CNR2: variants seen among roughly 807,000 people sequenced by gnomAD.
CNR2 encodes the protein cannabinoid receptor 2 (macrophage).
For missense variants in CNR2, 379 were observed against 439.9 expected, an observed-to-expected ratio of 0.86 and a Z score of 1.24; for synonymous variants, 172 against 182.2, an observed-to-expected ratio of 0.94 and a Z score of 0.45.
intron 1 of CNR2, among the ~76,000 whole-genome samples, chr1:23,910,315 G>C (rs922328520): frequency 6.6e-6 from 1 of 151,654 alleles, no homozygotes; most frequent in African/African-American, 2.4e-5. Context: ...TGCAAATGTG[G>C]TTAGTGATAG....
At chr1:23,913,122 C>A in intron 1 of CNR2, 124 bp downstream of exon 1, 1 of 161,366 alleles carries the variant, frequency 6.2e-6, no homozygotes, top group Non-Finnish European at 1.3e-5. Context: ...GATTGTGCCA[C>A]TGTACTTTAG....
At chr1:23,878,489 C>T (rs1261650621) in intron 1 of CNR2, among the ~76,000 whole-genome samples, 3 of 151,992 alleles carry the variant, frequency 2.0e-5, no homozygotes, top group South Asian at 2.1e-4. Flanking sequence ...AGTGATTCTC[C>T]AGCTTCAGCC....
chr1:23,874,485 G>A lies in CNR2; in HGVS notation c.*50C>T, dbSNP rs758916991. ...GCCAAGACCCCTCTCTCTCTTCCAG[G>A]GAGTGAACTGATTTCTGACTTGAGT... On this transcript the variant is annotated 3_prime_UTR_variant, in exon 2 of 2. Coordinates refer to ENST00000374472, the MANE Select transcript of CNR2 (RefSeq NM_001841.3). 6.4e-7 allele frequency: 1 copy of A among 1,563,974 alleles called. No homozygotes were observed. The highest frequency in any genetic ancestry group is 8.7e-7 in the Non-Finnish European group (1 of 1,153,692).
At chr1:23,887,269 T>A (rs1220891990) in intron 1 of CNR2, among the ~76,000 whole-genome samples, 1 of 152,184 alleles carries the variant, frequency 6.6e-6, no homozygotes, top group Non-Finnish European at 1.5e-5. Flanking sequence ...TCTGAAAGTT[T>A]CCAGCTCAGG....
intron 1 of CNR2, among the ~76,000 whole-genome samples, chr1:23,910,680 G>GAAAGA (rs1417371518): frequency 3.2e-5 from 3 of 94,452 alleles, no homozygotes; most frequent in Non-Finnish European, 6.6e-5. Flanking sequence ...AAAAAAAAAA[G>GAAAGA]AAAGAAAAGA....
intron 1 of CNR2, among the ~76,000 whole-genome samples, chr1:23,896,059 T>C (rs1011059565): frequency 2.0e-5 from 3 of 152,182 alleles, no homozygotes; most frequent in African/African-American, 7.2e-5. Context: ...AGATGGGGTC[T>C]CACTATATCA....
intron 1 of CNR2, among the ~76,000 whole-genome samples, chr1:23,908,723 C>T (rs2148472141): frequency 6.6e-6 from 1 of 152,224 alleles, no homozygotes; most frequent in South Asian, 2.1e-4. Context: ...CCTCTGGCTC[C>T]TTCCTTGCTC....
Position 23,874,590 on chromosome 1 carries a change from T to G in CNR2, c.1028A>C (p.Asp343Ala). ...ATCTGGCCACGGAGTGATTTTCCCA[T>G]CAGCCTCTGTCTCGGTGACTGAGGA... The part of the protein sequence containing the change: ...PRSSVTETEA[D>A]GKITPWPDSR... Residue 343 changes from aspartate to alanine, a missense_variant, in exon 2 of 2, where the codon GAT (aspartate) becomes GCT (alanine). Asp to Ala is a moderately radical substitution (Grantham distance 126, BLOSUM62 -2). Coordinates refer to ENST00000374472, the MANE Select transcript of CNR2 (RefSeq NM_001841.3). The G allele has an allele frequency of 6.2e-7, 1 of 1,614,102 alleles. No individual in the cohort carries two copies.
intron 1 of CNR2, among the ~76,000 whole-genome samples, chr1:23,906,534 TTTTTTTTCTTTC>T (rs1173059771): frequency 1.6e-4 from 19 of 116,782 alleles, no homozygotes; most frequent in Admixed American, 3.8e-4. Context: ...CCTATCTTTC[TTTTTTTTCTTTC>T]TTTTTTTTTT....
rs1363457184 is a variant in CNR2, at chr1:23,901,750, C to A, written c.-46+11496G>T. The A allele has an allele frequency of 4.2e-6, 6 of 1,432,556 alleles. No homozygotes were observed. The African/African-American group carries it at 5.6e-5, about 13-fold the overall frequency. The allele number at this position is 1,432,556 out of a possible 1,614,324, so 88.7% of individuals were successfully genotyped here. ...GATTCTGAGCCAGAACTACCCCAAGCCTCTTGAGCTCAATCTTCACGCTGT... is the reference window on the plus strand; with the variant it reads ...GATTCTGAGCCAGAACTACCCCAAGACTCTTGAGCTCAATCTTCACGCTGT... On this transcript the variant is annotated intron_variant, in intron 1 of 1. Coordinates refer to ENST00000374472, the MANE Select transcript of CNR2 (RefSeq NM_001841.3).
intron 1 of CNR2, among the ~76,000 whole-genome samples, chr1:23,895,273 T>C (rs1640260633): frequency 6.6e-6 from 1 of 152,122 alleles, no homozygotes. Flanking sequence ...TTTCCAAATA[T>C]CTTCTTCCTC....
chr1:23,876,292 T>C (rs1392826714), intron 1 of CNR2, among the ~76,000 whole-genome samples: 1 of 151,454 alleles, frequency 6.6e-6, no homozygotes, highest in Non-Finnish European at 1.5e-5. Context: ...CTGTAACCTC[T>C]GCCTCCCAGG....
Position 23,912,098 on chromosome 1 carries a change from G to C in CNR2, c.-46+1148C>G, listed in dbSNP as rs1426019066. The stretch of plus-strand genomic sequence containing the variant: ...TGTGCCCGCATCAGACAGTTGACTC[G>C]CAACAAGCCTGTGAGTGACCTTCTC... On this transcript the variant is annotated intron_variant, in intron 1 of 1. Transcript: ENST00000374472. Among the ~76,000 whole-genome samples the C allele has an allele frequency of 2.0e-5, 3 of 152,226 alleles. No homozygotes were observed. In the East Asian group the frequency reaches 5.8e-4, roughly 29 times the overall value.
chr1:23,886,433 G>A (rs1292020503), intron 1 of CNR2, among the ~76,000 whole-genome samples: 1 of 152,118 alleles, frequency 6.6e-6, no homozygotes, highest in East Asian at 1.9e-4. Flanking sequence ...TGCTCTGTGC[G>A]TCCTGACGTT....
chr1:23,910,646 C>T lies in CNR2; in HGVS notation c.-46+2600G>A, dbSNP rs1256758531. The stretch of plus-strand genomic sequence containing the variant: ...TCCAGCCTGGGCAACAAGAGCAAAA[C>T]GCTGTCTCAAAAAAAAAAAAAAAAA... On this transcript the variant is annotated intron_variant, in intron 1 of 1. Transcript: ENST00000374472. Among the ~76,000 whole-genome samples, 27 of 71,290 alleles carry T rather than the reference C, an allele frequency of 3.8e-4. No individual in the cohort carries two copies. The Admixed American group carries it at 4.4e-3, about 12-fold the overall frequency. The allele number at this position is 71,290 out of a possible 152,430, so 46.8% of individuals were successfully genotyped here.
chr1:23,905,364 G>C (rs937881388), intron 1 of CNR2, among the ~76,000 whole-genome samples: 5 of 151,560 alleles, frequency 3.3e-5, no homozygotes, highest in African/African-American at 1.2e-4. Context: ...ATTTTTAGTA[G>C]AGATGGGGTT....
chr1:23,909,765 G>A (rs1640553619), intron 1 of CNR2, among the ~76,000 whole-genome samples: 1 of 152,054 alleles, frequency 6.6e-6, no homozygotes, highest in Non-Finnish European at 1.5e-5. Flanking sequence ...ACGCAGCCTG[G>A]CGAGCGACAC....
chr1:23,909,303 G>A (rs1640546935), intron 1 of CNR2, among the ~76,000 whole-genome samples: 1 of 152,100 alleles, frequency 6.6e-6, no homozygotes, highest in African/African-American at 2.4e-5. Context: ...GGAGATGGAG[G>A]GAAAAGAGAA....
At chr1:23,902,195 C>A in intron 1 of CNR2, 1 of 1,359,680 alleles carries the variant, frequency 7.4e-7, no homozygotes, top group Non-Finnish European at 1.0e-6. Flanking sequence ...GCCTTGAAGA[C>A]CACCGCCTCC....
Sources: allele counts gnomAD v4.1 joint callset (sites outside exome capture counted in the v4.1 genomes callset), GRCh38; gene constraint gnomAD v4.1.1; transcripts MANE v1.5; gene names NCBI Gene and HGNC (gene_info 2026-07-23, HGNC 2026-07-21).